The following TRPM3 variants were observed in gnomAD, a reference collection of about 807,000 sequenced individuals.
TRPM3 encodes long transient receptor potential channel 3.
A neutral mutation model predicts 181.2 loss-of-function variants in TRPM3; 77 were observed. That is an observed-to-expected ratio of 0.42 (90% confidence interval 0.35 to 0.51). The LOEUF (loss-of-function observed/expected upper bound fraction) is 0.51, where lower values mean the gene tolerates loss of function less well. TRPM3 is among the 20% of genes least tolerant of loss of function. The pLI, the probability that TRPM3 is intolerant of heterozygous loss-of-function variation, is 0.01. For missense variants in TRPM3, 1,759 were observed against 2,196.7 expected (o/e 0.80, Z 3.98); for synonymous variants, 745 against 796.4 (o/e 0.94, Z 1.09).
At chr9:71,294,617 C>T (rs1354075669) in intron 1 of TRPM3, among the ~76,000 whole-genome samples, 1 of 152,042 alleles carries the variant, frequency 6.6e-6, no homozygotes, top group Non-Finnish European at 1.5e-5. Flanking sequence ...AAGTATAAAC[C>T]TATGACTAAT....
At chr9:71,435,719 G>T (rs1322788219) in intron 1 of TRPM3, among the ~76,000 whole-genome samples, 1 of 152,182 alleles carries the variant, frequency 6.6e-6, no homozygotes, top group South Asian at 2.1e-4. Context: ...TCCCAAGGAG[G>T]TTCACATCCT....
chr9:71,367,220 C>A (rs991227206), intron 1 of TRPM3, among the ~76,000 whole-genome samples: 2 of 152,128 alleles, frequency 1.3e-5, no homozygotes, highest in Non-Finnish European at 2.9e-5. Context: ...TATGAATGAT[C>A]AAGAGCAACC....
chr9:70,644,742 C>T (rs1473781072), intron 9 of TRPM3, among the ~76,000 whole-genome samples: 1 of 152,134 alleles, frequency 6.6e-6, no homozygotes, highest in Non-Finnish European at 1.5e-5. Flanking sequence ...AAGGGGTATT[C>T]AAACAGGAAG....
At chr9:71,141,115 T>C (rs1206166215) in intron 1 of TRPM3, among the ~76,000 whole-genome samples, 11 of 152,234 alleles carry the variant, frequency 7.2e-5, no homozygotes, top group African/African-American at 2.7e-4. Context: ...GGATGTATCT[T>C]TGGCATGTAA....
rs375338367 is a variant in TRPM3 at position 71,120,636 on chromosome 9, C to CAA, written c.177+540_177+541dup. ...TATGCCTTTTCTAAAAACAAGGACA[C>CAA]AAAAAAAGTCACTGTCTGAGGAGGC... On this transcript the variant is annotated intron_variant, in intron 1 of 25. Coordinates refer to ENST00000677713, the MANE Select transcript of TRPM3 (RefSeq NM_001366145.2). Among the ~76,000 whole-genome samples, 4 of 152,088 alleles carry CAA rather than the reference C, an allele frequency of 2.6e-5. No individual in the cohort carries two copies. In the South Asian group the frequency reaches 8.3e-4, roughly 32 times the overall value.
intron 19 of TRPM3, among the ~76,000 whole-genome samples, chr9:70,610,156 CACACACGCATGCAT>C (rs1023695014): frequency 4.1e-4 from 62 of 151,704 alleles, no homozygotes; most frequent in African/African-American, 1.5e-3. Flanking sequence ...TACACATGCA[CACACACGCATGCAT>C]ACACACACTA....
At chr9:71,005,914 A>G (rs2097668274) in intron 1 of TRPM3, among the ~76,000 whole-genome samples, 1 of 152,234 alleles carries the variant, frequency 6.6e-6, no homozygotes, top group African/African-American at 2.4e-5. Flanking sequence ...AGCCACTTAA[A>G]TTTTAAGTAT....
intron 1 of TRPM3, among the ~76,000 whole-genome samples, chr9:71,334,593 A>G (rs1230975206): frequency 6.6e-6 from 1 of 152,066 alleles, no homozygotes; most frequent in Non-Finnish European, 1.5e-5. Context: ...CCAAATAGCC[A>G]TTTCTATCTC....
chr9:71,072,698 G>T (rs1165952645), intron 1 of TRPM3, among the ~76,000 whole-genome samples: 1 of 152,130 alleles, frequency 6.6e-6, no homozygotes, highest in Non-Finnish European at 1.5e-5. Flanking sequence ...AGTGAGGGTC[G>T]TAATCAACTC....
At chr9:71,180,884 A>G (rs1207479969) in intron 1 of TRPM3, among the ~76,000 whole-genome samples, 1 of 152,248 alleles carries the variant, frequency 6.6e-6, no homozygotes, top group South Asian at 2.1e-4. Flanking sequence ...ATTCTAGCCT[A>G]TTAGATTCTC....
chr9:70,959,616 T>C (rs912964551), intron 1 of TRPM3, among the ~76,000 whole-genome samples: 1 of 152,142 alleles, frequency 6.6e-6, no homozygotes, highest in Non-Finnish European at 1.5e-5. Flanking sequence ...TAGCAAGTTG[T>C]TAAAAGCACA....
intron 1 of TRPM3, among the ~76,000 whole-genome samples, chr9:71,434,471 G>A (rs1444818131): frequency 1.3e-5 from 2 of 152,128 alleles, no homozygotes; most frequent in African/African-American, 4.8e-5. Context: ...ATAATTTTCT[G>A]ATGTTTATAA....
intron 1 of TRPM3, among the ~76,000 whole-genome samples, chr9:71,031,468 C>T (rs2057294256): frequency 6.6e-6 from 1 of 152,060 alleles, no homozygotes; most frequent in African/African-American, 2.4e-5. Flanking sequence ...AGAATGGAGG[C>T]ATTACAGATG....
intron 1 of TRPM3, among the ~76,000 whole-genome samples, chr9:71,311,786 CA>C (rs201305141): frequency 6.8e-5 from 10 of 147,360 alleles, no homozygotes; most frequent in Admixed American, 2.7e-4. Context: ...AGCTGATGAG[CA>C]AAAAAAAATA....
In TRPM3 at chr9:71,282,131, AGAAAGAAAGAAAG is replaced by A. The variant is rs1265343127; in HGVS notation, c.183+164509_183+164521del. On this transcript the variant is annotated intron_variant, in intron 1 of 24. Coordinates refer to the TRPM3 transcript ENST00000357533. ...GAAAGAAAGAAAAAGAAAGAACGAA[AGAAAGAAAGAAAG>A]GAAAGAAAGAAAGGAAAAGAAAGAA... Among the ~76,000 whole-genome samples, 27 of 139,778 alleles carry A rather than the reference AGAAAGAAAGAAAG, an allele frequency of 1.9e-4. 2 individuals carry two copies. The highest frequency in any genetic ancestry group is 4.0e-4 in the African/African-American group (15 of 37,266). 91.7% of individuals were successfully genotyped at this position (139,778 alleles called of 152,430 possible).
At chr9:71,332,363 G>A (rs1390983647) in intron 1 of TRPM3, among the ~76,000 whole-genome samples, 1 of 143,968 alleles carries the variant, frequency 6.9e-6, no homozygotes, top group South Asian at 2.2e-4. Context: ...TAGGTCAGTG[G>A]TTTTCAATGT....
chr9:71,117,713 A>C (rs1199195639), intron 1 of TRPM3, among the ~76,000 whole-genome samples: 2 of 152,208 alleles, frequency 1.3e-5, no homozygotes, highest in African/African-American at 4.8e-5. Context: ...GACATTGCTT[A>C]AAGTGAGCAA....
intron 22 of TRPM3, among the ~76,000 whole-genome samples, chr9:70,583,686 C>G (rs1192420031): frequency 1.3e-5 from 2 of 152,194 alleles, no homozygotes; most frequent in Non-Finnish European, 2.9e-5. Flanking sequence ...GGAGAATCCT[C>G]TAGCCATTTG....
At chr9:71,398,845 G>A (rs534925266) in intron 1 of TRPM3, among the ~76,000 whole-genome samples, 1 of 151,934 alleles carries the variant, frequency 6.6e-6, no homozygotes, top group African/African-American at 2.4e-5. Flanking sequence ...TTATGAACAG[G>A]CAATCGATAA....
Sources: allele counts gnomAD v4.1 joint callset (sites outside exome capture counted in the v4.1 genomes callset), GRCh38; gene constraint gnomAD v4.1.1; transcripts MANE v1.5; gene names NCBI Gene and HGNC (gene_info 2026-07-23, HGNC 2026-07-21).